The following RERE variants were observed in gnomAD, a reference collection of about 807,000 sequenced individuals.
RERE encodes arginine-glutamic acid dipeptide repeats protein.
RERE carries 40 observed loss-of-function variants against 146.1 expected under a neutral mutation model. The observed-to-expected ratio is 0.27, with a 90% CI of 0.21 to 0.36. RERE has a LOEUF of 0.36. Among genes scored for constraint, RERE ranks in the 10% least tolerant of loss-of-function variants. The pLI is 1.00. For missense variants in RERE, 1,933 were observed against 2,138.7 expected (o/e 0.90, Z 1.90); for synonymous variants, 1,003 against 866.0 (o/e 1.16, Z -2.78).
chr1:8,496,199 T>C (rs962080210), intron 9 of RERE, among the ~76,000 whole-genome samples: 3 of 147,582 alleles, frequency 2.0e-5, no homozygotes, highest in African/African-American at 7.7e-5. Flanking sequence ...AACCTCTTAG[T>C]CATTCACTCC....
At chr1:8,744,227 CT>C (rs1355295316) in intron 1 of RERE, among the ~76,000 whole-genome samples, 45 of 152,312 alleles carry the variant, frequency 3.0e-4, no homozygotes, top group African/African-American at 1.0e-3. Context: ...AAGGCTGCCC[CT>C]GGGTGCTCAC....
chr1:8,687,677 T>A (rs1639120833), intron 1 of RERE, among the ~76,000 whole-genome samples: 1 of 152,192 alleles, frequency 6.6e-6, no homozygotes, highest in Admixed American at 6.5e-5. Flanking sequence ...AGAGATTACA[T>A]CCCATTTTCA....
intron 8 of RERE, among the ~76,000 whole-genome samples, chr1:8,505,574 A>G (rs1645239716): frequency 6.6e-6 from 1 of 152,172 alleles, no homozygotes; most frequent in Non-Finnish European, 1.5e-5. Flanking sequence ...TTCTGTCACC[A>G]GGCTGGAGTG....
chr1:8,619,246 T>C (rs189187033), intron 3 of RERE, among the ~76,000 whole-genome samples: 20 of 152,272 alleles, frequency 1.3e-4, no homozygotes, highest in African/African-American at 4.8e-4. Flanking sequence ...GCCGTAACAA[T>C]ATGTCGAGCC....
intron 18 of RERE, 53 bp downstream of exon 18, chr1:8,360,059 G>A: frequency 3.3e-6 from 3 of 900,178 alleles, no homozygotes; most frequent in Admixed American, 1.9e-5. Flanking sequence ...ACCAGAACTT[G>A]CCCCCACCAG....
intron 6 of RERE, 68 bp from the exon 7 acceptor site, chr1:8,541,386 G>A (rs1318820729): frequency 2.2e-6 from 2 of 910,248 alleles, no homozygotes; most frequent in East Asian, 2.4e-5. Context: ...ACTGGAGGGG[G>A]AAGGGTGGAG....
chr1:8,740,911 A>T (rs954800116), intron 1 of RERE, among the ~76,000 whole-genome samples: 1 of 152,222 alleles, frequency 6.6e-6, no homozygotes, highest in Admixed American at 6.5e-5. Context: ...TAGAGGACGT[A>T]CACTCTAAAA....
intron 7 of RERE, among the ~76,000 whole-genome samples, chr1:8,535,438 T>C (rs756578107): frequency 2.6e-5 from 4 of 152,202 alleles, no homozygotes; most frequent in Non-Finnish European, 4.4e-5. Flanking sequence ...AAGAAAATGC[T>C]CATGTTCATA....
intron 1 of RERE, among the ~76,000 whole-genome samples, chr1:8,697,221 C>A (rs992026220): frequency 4.6e-5 from 7 of 152,076 alleles, no homozygotes; most frequent in Admixed American, 3.9e-4. Context: ...AACTTGTCTG[C>A]GTCATTTTCC....
chr1:8,414,181 T>C (rs914992153), intron 12 of RERE, among the ~76,000 whole-genome samples: 8 of 151,834 alleles, frequency 5.3e-5, no homozygotes, highest in Admixed American at 1.3e-4. Flanking sequence ...CATCCCATCC[T>C]AGACAGCACA....
intron 7 of RERE, among the ~76,000 whole-genome samples, chr1:8,535,251 C>G (rs1414810483): frequency 6.6e-6 from 1 of 152,178 alleles, no homozygotes; most frequent in South Asian, 2.1e-4. Context: ...AAAAACTGTT[C>G]CAGATTTAGG....
intron 12 of RERE, among the ~76,000 whole-genome samples, chr1:8,390,490 A>G (rs1384906589): frequency 6.6e-6 from 1 of 152,150 alleles, no homozygotes. Flanking sequence ...ACTATAGGTA[A>G]TATTTTGAAC....
rs750948126 is a variant in RERE at position 8,353,329 on chromosome 1, C to G, written c.*1758G>C. On this transcript the variant is annotated 3_prime_UTR_variant, in exon 23 of 23. Transcript: ENST00000400908. ...AACTGGAAATGTCGCTATTTGACGC[C>G]AGAACCTGAATTTGAGCCAGTAGCT... 20 of 152,272 alleles carry G rather than the reference C, an allele frequency of 1.3e-4. No homozygotes were observed. The highest frequency in any genetic ancestry group is 2.5e-4 in the Non-Finnish European group (17 of 68,052). 9.4% of individuals were successfully genotyped at this position (152,272 alleles called of 1,614,324 possible). A position where few individuals can be genotyped will look rare whatever the true frequency, so the allele number is the denominator to read the frequency against.
At chr1:8,438,393 G>T (rs1299062752) in intron 11 of RERE, among the ~76,000 whole-genome samples, 1 of 152,218 alleles carries the variant, frequency 6.6e-6, no homozygotes, top group Non-Finnish European at 1.5e-5. Context: ...TGTTACAACA[G>T]CATATAGTAA....
At chr1:8,697,052 T>C (rs1418104429) in intron 1 of RERE, among the ~76,000 whole-genome samples, 1 of 152,190 alleles carries the variant, frequency 6.6e-6, no homozygotes, top group Non-Finnish European at 1.5e-5. Context: ...TAAATACTGT[T>C]AAGAGTCCTT....
intron 1 of RERE, among the ~76,000 whole-genome samples, chr1:8,707,336 C>G (rs944431216): frequency 5.9e-5 from 9 of 152,168 alleles, no homozygotes; most frequent in African/African-American, 2.2e-4. Context: ...AAACATCACA[C>G]AGGGGAAATG....
chr1:8,691,033 G>A lies in RERE; in HGVS notation c.-144-34592C>T, dbSNP rs1020081062. Reference sequence around the variant, plus strand: ...CTGCCTCAGCCTCCTGAGTAGCTGGGACTATAGGCGCGCACCACCACGCCC... The same window carrying A: ...CTGCCTCAGCCTCCTGAGTAGCTGGAACTATAGGCGCGCACCACCACGCCC... On this transcript the variant is annotated intron_variant, in intron 1 of 22. Coordinates refer to ENST00000400908, the MANE Select transcript of RERE (RefSeq NM_001042681.2). Among the ~76,000 whole-genome samples the A allele has an allele frequency of 7.2e-5, 11 of 151,992 alleles. No individual in the cohort carries two copies. In the East Asian group the frequency reaches 1.9e-3, roughly 27 times the overall value.
intron 1 of RERE, among the ~76,000 whole-genome samples, chr1:8,661,015 T>C (rs999603041): frequency 7.9e-5 from 12 of 152,184 alleles, no homozygotes; most frequent in Admixed American, 5.9e-4. Context: ...TGCTCAGCAG[T>C]GGAGAGAGAC....
chr1:8,358,138 A>C, intron 20 of RERE, 58 bp downstream of exon 20: 1 of 1,534,440 alleles, frequency 6.5e-7, no homozygotes, highest in Non-Finnish European at 8.8e-7. Context: ...ACTGTCACTC[A>C]TCAGGCTCTG....
Sources: allele counts gnomAD v4.1 joint callset (sites outside exome capture counted in the v4.1 genomes callset), GRCh38; gene constraint gnomAD v4.1.1; transcripts MANE v1.5; gene names NCBI Gene and HGNC (gene_info 2026-07-23, HGNC 2026-07-21).